Variants in PHF14 observed in about 807,000 individuals in gnomAD.
PHF14 encodes PHD finger protein 14.
PHF14 carries 55 observed loss-of-function variants against 117.9 expected under a neutral mutation model. The ratio of observed to expected loss-of-function variants is 0.47; its 90% CI spans 0.38 to 0.58. The LOEUF (loss-of-function observed/expected upper bound fraction) is 0.58. Ranked by LOEUF, PHF14 falls within the 20% of genes least tolerant of loss-of-function variation. The probability of loss-of-function intolerance (pLI) is 0.00; values close to 1 mark genes in which losing one functional copy is unlikely to be tolerated. For missense variants in PHF14, 978 were observed against 1,122.2 expected (o/e 0.87, Z 1.84); for synonymous variants, 409 against 368.6 (o/e 1.11, Z -1.26).
chr7:10,978,597 T>C (rs1154921), intron 2 of PHF14, among the ~76,000 whole-genome samples: 105,271 of 152,108 alleles, frequency 0.69, 37,075 homozygotes, highest in African/African-American at 0.81. Flanking sequence ...TACGAGTTAA[T>C]GGTTTCTCAA....
intron 7 of PHF14, among the ~76,000 whole-genome samples, chr7:11,031,477 G>T (rs900287098): frequency 2.0e-5 from 3 of 151,960 alleles, no homozygotes; most frequent in African/African-American, 7.3e-5. Flanking sequence ...ATAGGGCTGG[G>T]TGCAGTGGCT....
intron 17 of PHF14, among the ~76,000 whole-genome samples, chr7:11,129,003 C>G (rs1406444759): frequency 1.3e-5 from 2 of 151,826 alleles, no homozygotes; most frequent in East Asian, 3.9e-4. Context: ...GTTATTTTTA[C>G]CAGCTAGATT....
intron 17 of PHF14, among the ~76,000 whole-genome samples, chr7:11,150,199 G>T (rs537795260): frequency 1.2e-3 from 187 of 152,208 alleles, no homozygotes; most frequent in African/African-American, 4.4e-3. Context: ...GAGGAGAATG[G>T]GATGGGGAAA....
intron 17 of PHF14, among the ~76,000 whole-genome samples, chr7:11,160,673 A>T (rs1420230491): frequency 6.6e-6 from 1 of 152,194 alleles, no homozygotes. Flanking sequence ...ACAATTAGCG[A>T]TGTTGAGCAT....
At chr7:11,117,270 A>G (rs1007762469) in intron 17 of PHF14, among the ~76,000 whole-genome samples, 2 of 151,854 alleles carry the variant, frequency 1.3e-5, no homozygotes, top group African/African-American at 2.4e-5. Context: ...TTATCTGACT[A>G]CTACAAGGTG....
At chr7:11,064,193 A>T (rs1353625808) in intron 16 of PHF14, among the ~76,000 whole-genome samples, 1 of 151,968 alleles carries the variant, frequency 6.6e-6, no homozygotes, top group Admixed American at 6.6e-5. Flanking sequence ...TGGGTTAAAG[A>T]ATTTTTATAT....
chr7:10,990,155 C>T lies in PHF14; in HGVS notation c.901-548C>T, dbSNP rs764659073. On this transcript the variant is annotated intron_variant, in intron 3 of 17. Coordinates refer to ENST00000634607, the MANE Select transcript of PHF14 (RefSeq NM_001007157.2). ...ATAATGCTGGAATTTCTGAATTTCC[C>T]GGTACTTAAGGAGTATAGAGTCCTT... 9.9e-5 allele frequency among the ~76,000 whole-genome samples: 15 copies of T among 152,250 alleles called. No individual in the cohort carries two copies. In the South Asian group the frequency reaches 1.0e-3, roughly 11 times the overall value.
chr7:11,078,231 G>C lies in PHF14; in HGVS notation c.2654+16146G>C, dbSNP rs149559930. On this transcript the variant is annotated intron_variant, in intron 16 of 17. Transcript: ENST00000634607. Reference sequence around the variant, plus strand: ...TTCCCTTAATATTGTTGACATACATGGAGAGGTTTGTTAACTAGGAAAACC... The same window carrying C: ...TTCCCTTAATATTGTTGACATACATCGAGAGGTTTGTTAACTAGGAAAACC... Among the ~76,000 whole-genome samples, 6 of 152,214 alleles carry C rather than the reference G, an allele frequency of 3.9e-5. No individual in the cohort carries two copies. In the East Asian group the frequency reaches 1.2e-3, roughly 29 times the overall value.
chr7:11,038,455 C>G (rs566795324), intron 10 of PHF14, among the ~76,000 whole-genome samples: 1 of 146,162 alleles, frequency 6.8e-6, no homozygotes, highest in Admixed American at 6.8e-5. Flanking sequence ...AAAAATAGAT[C>G]GAGACCATCC....
intron 16 of PHF14, chr7:11,062,794 TG>T (rs1785273889): frequency 1.0e-6 from 1 of 984,948 alleles, no homozygotes. Context: ...GGGGAGTGAG[TG>T]TGTGAACAAA....
chr7:10,976,400 G>T (rs576485016), intron 2 of PHF14, among the ~76,000 whole-genome samples: 1 of 152,226 alleles, frequency 6.6e-6, no homozygotes, highest in African/African-American at 2.4e-5. Flanking sequence ...GAATATTCCT[G>T]GCTAGGATGT....
intron 4 of PHF14, among the ~76,000 whole-genome samples, chr7:11,004,246 C>CAAA (rs55917513): frequency 2.3e-4 from 12 of 51,238 alleles, no homozygotes; most frequent in East Asian, 5.4e-4. Flanking sequence ...GACTTTGTCT[C>CAAA]AAAAAAAAAA....
chr7:11,042,972 A>G (rs550935352), intron 13 of PHF14, among the ~76,000 whole-genome samples, 158 bp downstream of exon 13: 74 of 130,278 alleles, frequency 5.7e-4, no homozygotes, highest in Admixed American at 2.8e-3. Flanking sequence ...CTAAATCTAT[A>G]ACAGCTTTTT....
intron 3 of PHF14, among the ~76,000 whole-genome samples, chr7:10,983,901 A>G (rs1310681272): frequency 6.6e-6 from 1 of 152,156 alleles, no homozygotes; most frequent in Non-Finnish European, 1.5e-5. Context: ...TCAGAGATGC[A>G]TCATTCAAGA....
intron 16 of PHF14, among the ~76,000 whole-genome samples, chr7:11,068,349 CAAAAAAAAA>C (rs10659513): frequency 1.5e-5 from 1 of 66,772 alleles, no homozygotes; most frequent in Non-Finnish European, 2.8e-5. Flanking sequence ...GACTCCGTCT[CAAAAAAAAA>C]AAAAAAAAAA....
chr7:11,132,900 G>C (rs1349363994), intron 17 of PHF14, among the ~76,000 whole-genome samples: 1 of 151,594 alleles, frequency 6.6e-6, no homozygotes, highest in African/African-American at 2.4e-5. Flanking sequence ...ATGTTTACCT[G>C]TTCTTTGGAG....
chr7:11,081,628 G>A (rs1033883926), intron 16 of PHF14, among the ~76,000 whole-genome samples: 15 of 152,248 alleles, frequency 9.9e-5, no homozygotes, highest in Non-Finnish European at 1.6e-4. Flanking sequence ...AGGCCGAGGT[G>A]GGCGGATCAT....
chr7:10,990,960 AT>A, intron 4 of PHF14, 113 bp downstream of exon 4: 1 of 669,612 alleles, frequency 1.5e-6, no homozygotes, highest in Non-Finnish European at 2.4e-6. Flanking sequence ...ATAATGCTAA[AT>A]CATCAAAGTA....
chr7:11,058,547 C>T (rs949773928), intron 14 of PHF14, among the ~76,000 whole-genome samples: 1 of 152,068 alleles, frequency 6.6e-6, no homozygotes, highest in Non-Finnish European at 1.5e-5. Flanking sequence ...GCTGTAATTA[C>T]TTTGGTAATG....
Sources: allele counts gnomAD v4.1 joint callset (sites outside exome capture counted in the v4.1 genomes callset), GRCh38; gene constraint gnomAD v4.1.1; transcripts MANE v1.5; gene names NCBI Gene and HGNC (gene_info 2026-07-23, HGNC 2026-07-21).